The following MYH13 variants were observed in gnomAD, a reference collection of about 807,000 sequenced individuals.
MYH13 encodes myosin heavy chain 13, also known as myosin-13.
MYH13 carries 177 observed loss-of-function variants against 232.1 expected under a neutral mutation model. The observed-to-expected ratio is 0.76, with a 90% confidence interval of 0.67 to 0.86. The LOEUF is 0.86. Ranked by LOEUF, MYH13 falls within the 40% of genes least tolerant of loss-of-function variation. The pLI is 0.00. For synonymous variants in MYH13, 884 were observed against 923.5 expected, an observed-to-expected ratio of 0.96 and a Z score of 0.78; for missense variants, 2,246 against 2,405.9, an observed-to-expected ratio of 0.93 and a Z score of 1.39.
chr17:10,326,908 T>C (rs113524766), intron 22 of MYH13, among the ~76,000 whole-genome samples: 29 of 142,516 alleles, frequency 2.0e-4, no homozygotes, highest in African/African-American at 6.7e-4. Flanking sequence ...CTCGACTACC[T>C]GGGCTCAGGT....
intron 18 of MYH13, among the ~76,000 whole-genome samples, chr17:10,338,794 G>A (rs986226407): frequency 1.3e-4 from 19 of 149,018 alleles, no homozygotes; most frequent in Admixed American, 3.5e-4. Context: ...TCCGTCTCCC[G>A]GGTTCACGCC....
intron 35 of MYH13, among the ~76,000 whole-genome samples, chr17:10,308,301 C>T (rs75268069): frequency 0.075 from 10,573 of 140,068 alleles, 652 homozygotes; most frequent in East Asian, 0.3. Context: ...TCCAGCCTGG[C>T]GACAGAAAGA....
intron 31 of MYH13, 130 bp downstream of exon 31, chr17:10,312,444 G>C: frequency 9.1e-7 from 1 of 1,093,714 alleles, no homozygotes; most frequent in Non-Finnish European, 1.3e-6. Flanking sequence ...GCGTGAAACT[G>C]TTGTTTTCAC....
intron 37 of MYH13, among the ~76,000 whole-genome samples, chr17:10,303,869 C>G (rs1906188701): frequency 6.6e-6 from 1 of 152,142 alleles, no homozygotes; most frequent in African/African-American, 2.4e-5. Flanking sequence ...TTGGAACCAA[C>G]CCAAATGCCC....
Position 10,309,302 on chromosome 17 carries a change from G to A in MYH13, c.5101C>T (p.Arg1701Trp). ...EMKVALEQTE[R>W]TRRLSEQELL... Reference sequence around the variant, plus strand: ...TCCTGCTCTGACAGCCTGCGGGTCCGCTCCGTCTGTTCCAGGGCCACCTTC... The same window carrying A: ...TCCTGCTCTGACAGCCTGCGGGTCCACTCCGTCTGTTCCAGGGCCACCTTC... Residue 1701 changes from arginine to tryptophan, a missense_variant, in exon 35 of 41, where the codon CGG (arginine) becomes TGG (tryptophan). Arg to Trp is a moderately radical substitution (Grantham distance 101). Coordinates refer to ENST00000252172, the MANE Select transcript of MYH13 (RefSeq NM_003802.3). The A allele has an allele frequency of 6.2e-7, 1 of 1,613,928 alleles. No individual in the cohort carries two copies. Among genetic ancestry groups the A allele is most frequent in the Non-Finnish European group, 8.5e-7 (1 of 1,179,854 alleles).
rs2071815081 is a variant in MYH13, at chr17:10,364,208, TAAAC to T, written c.204+115_204+118del. ...ATCTGCTACTTCACCGCAGAACAGA[TAAAC>T]TAAGTTTTGTTCTGTCTTCAGATTC... On this transcript the variant is annotated intron_variant, in intron 3 of 40. Coordinates refer to ENST00000252172, the MANE Select transcript of MYH13 (RefSeq NM_003802.3). The T allele has an allele frequency of 2.8e-6, 3 of 1,063,460 alleles. No individual in the cohort carries two copies. In the African/African-American group the frequency reaches 4.7e-5, roughly 17 times the overall value. 65.9% of individuals were successfully genotyped at this position (1,063,460 alleles called of 1,614,324 possible).
chr17:10,301,792 A>AGC, intron 39 of MYH13, 89 bp from the exon 40 acceptor site: 1 of 1,507,068 alleles, frequency 6.6e-7, no homozygotes, highest in South Asian at 1.3e-5. Context: ...TGAGGAGTTA[A>AGC]GCAACCAGGG....
intron 2 of MYH13, among the ~76,000 whole-genome samples, chr17:10,368,503 C>T (rs1384650400): frequency 6.6e-6 from 1 of 152,182 alleles, no homozygotes; most frequent in African/African-American, 2.4e-5. Flanking sequence ...CTTTGGTGGA[C>T]TTCCCATTTC....
chr17:10,306,596 G>C lies in MYH13; in HGVS notation c.5329C>G (p.Gln1777Glu), dbSNP rs1906294877. ...CGCTCCAGGTGGGCGCTGGTGTCCT[G>C]TTCCTTCTTTAGCTCCTCAGCCATC... ...AMMAEELKKE[Q>E]DTSAHLERMK... is the part of the protein sequence containing the mutation. Residue 1777 changes from glutamine (Q) to glutamate (E), a missense_variant, in exon 37 of 41, where the codon CAG becomes GAG. By Grantham distance (29) the Gln-to-Glu change is conservative. Coordinates refer to ENST00000252172, the MANE Select transcript of MYH13 (RefSeq NM_003802.3). The surrounding 1 kb of genome is among the most constrained non-coding windows in gnomAD (Gnocchi z 4.3). 3 of 1,613,934 alleles carry C rather than the reference G, an allele frequency of 1.9e-6. No individual in the cohort carries two copies. Among genetic ancestry groups the C allele is most frequent in the Non-Finnish European group, 2.5e-6 (3 of 1,180,034 alleles).
chr17:10,312,593 T>G lies in MYH13; in HGVS notation c.4346A>C (p.Lys1449Thr). 1 of 1,613,174 alleles carries G rather than the reference T, an allele frequency of 6.2e-7. No homozygotes were observed. The highest frequency in any genetic ancestry group is 1.1e-5 in the South Asian group (1 of 90,788). The change falls in exon 31 of 41, where the codon AAG becomes ACG. Residue 1449 changes from lysine to threonine, a missense_variant. Transcript: ENST00000252172. ...AAGGACCTTGTCGAAGTTCCTCTGC[T>G]TCTTGTCCAGTGTGGCACAGGCGGT... ...SHTACATLDK[K>T]QRNFDKVLAE...
intron 12 of MYH13, 53 bp downstream of exon 12, chr17:10,350,503 C>T (rs1418675807): frequency 6.3e-7 from 1 of 1,579,678 alleles, no homozygotes; most frequent in African/African-American, 1.4e-5. Context: ...ACGGCCTCGC[C>T]CGCACATGAA....
chr17:10,359,206 C>T (rs554328138), intron 7 of MYH13, among the ~76,000 whole-genome samples: 33 of 152,096 alleles, frequency 2.2e-4, no homozygotes, highest in Non-Finnish European at 3.1e-4. Flanking sequence ...GAACCAACCG[C>T]GTGATTAGAG....
intron 11 of MYH13, among the ~76,000 whole-genome samples, chr17:10,353,486 A>G (rs2071725514): frequency 6.6e-6 from 1 of 152,210 alleles, no homozygotes; most frequent in African/African-American, 2.4e-5. Flanking sequence ...GGGTGGAGCC[A>G]ACAAGGGTGG....
chr17:10,355,056 A>C (rs1250342574), intron 9 of MYH13, 28 bp downstream of exon 9: 1 of 1,609,268 alleles, frequency 6.2e-7, no homozygotes, highest in Non-Finnish European at 8.5e-7. Context: ...CCAAAACACC[A>C]ACGGATTTAT....
At chr17:10,366,388 T>G (rs971899395) in intron 2 of MYH13, among the ~76,000 whole-genome samples, 1 of 147,562 alleles carries the variant, frequency 6.8e-6, no homozygotes, top group Non-Finnish European at 1.5e-5. Flanking sequence ...TCTGTTTTTT[T>G]TTTTTTTTTT....
rs778036904 is a variant in MYH13, at chr17:10,324,122, C to T, written c.2834G>A (p.Arg945Lys). ...EMNSELVAKK[R>K]NLEDKCSSLK... ...AGAGGAGCATTTATCTTCCAGATTC[C>T]TCTTCTTGGCAACCAATTCAGAATT... is the stretch of plus-strand genomic sequence containing the variant. Residue 945 changes from arginine (R) to lysine (K), a missense_variant, in exon 23 of 41, where the codon AGG becomes AAG. Coordinates refer to ENST00000252172, the MANE Select transcript of MYH13 (RefSeq NM_003802.3). 1.2e-6 allele frequency: 2 copies of T among 1,613,934 alleles called. No homozygotes were observed. The highest frequency in any genetic ancestry group is 1.7e-6 in the Non-Finnish European group (2 of 1,179,890).
At chr17:10,357,944 C>A in intron 7 of MYH13, 117 bp from the exon 8 acceptor site, 1 of 839,100 alleles carries the variant, frequency 1.2e-6, no homozygotes. Context: ...CGACCAGCTC[C>A]ACCTGGTGGT....
At chr17:10,361,085 T>C (rs1023414581) in intron 5 of MYH13, among the ~76,000 whole-genome samples, 2 of 152,202 alleles carry the variant, frequency 1.3e-5, no homozygotes, top group African/African-American at 2.4e-5. Flanking sequence ...CAGTCTGTGA[T>C]ACTGGAGCAG....
In MYH13 at chr17:10,343,879, C is replaced by T. The variant is rs768371630; in HGVS notation, c.1815G>A (p.Glu605=). ...ACTTCTGGTACAGCCCCACCACAGTCTCGTTCAGGGGGTCCTTGTTTTTGT... is the reference window on the plus strand; with the variant it reads ...ACTTCTGGTACAGCCCCACCACAGTTTCGTTCAGGGGGTCCTTGTTTTTGT... ...WLDKNKDPLN[E]TVVGLYQKSS... is the part of the protein sequence containing the mutation. The change falls in exon 16 of 41, where the codon GAG becomes GAA. Residue 605 remains glutamate (E), a synonymous_variant. Transcript: ENST00000252172. 1.2e-6 allele frequency: 2 copies of T among 1,614,210 alleles called. No homozygotes were observed. Among genetic ancestry groups the T allele is most frequent in the Non-Finnish European group, 1.7e-6 (2 of 1,180,022 alleles).
Sources: allele counts gnomAD v4.1 joint callset (sites outside exome capture counted in the v4.1 genomes callset), GRCh38; gene constraint gnomAD v4.1.1; non-coding constraint Gnocchi (gnomAD v3.1); transcripts MANE v1.5; gene names NCBI Gene and HGNC (gene_info 2026-07-23, HGNC 2026-07-21).